The following ELAPOR1 variants were observed in gnomAD, a reference collection of about 807,000 sequenced individuals.
ELAPOR1 encodes the protein endosome/lysosome-associated apoptosis and autophagy regulator 1.
ELAPOR1 carries 77 observed loss-of-function variants against 119.7 expected under a neutral mutation model. The observed-to-expected ratio is 0.64, with a 90% CI of 0.54 to 0.78. ELAPOR1 has a LOEUF of 0.78. Among genes scored for constraint, ELAPOR1 ranks in the 30% least tolerant of loss-of-function variants. ELAPOR1 has a pLI of 0.00. For synonymous variants in ELAPOR1, 481 were observed against 487.2 expected, an observed-to-expected ratio of 0.99 and a Z score of 0.17; for missense variants, 1,115 against 1,270.4, an observed-to-expected ratio of 0.88 and a Z score of 1.86.
intron 1 of ELAPOR1, among the ~76,000 whole-genome samples, chr1:109,137,092 C>T (rs1649518627): frequency 6.6e-6 from 1 of 152,148 alleles, no homozygotes; most frequent in Non-Finnish European, 1.5e-5. Flanking sequence ...GGTAAGGGAG[C>T]AGGTATAATG....
At chr1:109,169,533 G>A (rs1570676301) in intron 3 of ELAPOR1, among the ~76,000 whole-genome samples, 1 of 152,144 alleles carries the variant, frequency 6.6e-6, no homozygotes, top group Non-Finnish European at 1.5e-5. Flanking sequence ...ACAGGCATGA[G>A]CCACCACGCC....
At chr1:109,177,341 C>A (rs537105221) in intron 7 of ELAPOR1, among the ~76,000 whole-genome samples, 6 of 86,434 alleles carry the variant, frequency 6.9e-5, no homozygotes, top group African/African-American at 1.3e-4. Context: ...CTTCTCAGAC[C>A]GGGCGGCTGC....
intron 7 of ELAPOR1, among the ~76,000 whole-genome samples, chr1:109,177,409 A>C (rs761650589): frequency 8.0e-5 from 8 of 100,080 alleles, no homozygotes; most frequent in African/African-American, 1.4e-4. Context: ...CGCTCCTCAC[A>C]TCCTGGACGG....
At chr1:109,151,447 A>T (rs1287284579) in intron 1 of ELAPOR1, among the ~76,000 whole-genome samples, 1 of 152,220 alleles carries the variant, frequency 6.6e-6, no homozygotes, top group Non-Finnish European at 1.5e-5. Flanking sequence ...GTGAGGTCGC[A>T]GTGCCCCTGA....
chr1:109,200,589 C>T (rs962157856), intron 20 of ELAPOR1, 146 bp from the exon 21 acceptor site: 6 of 728,854 alleles, frequency 8.2e-6, no homozygotes, highest in African/African-American at 3.6e-5. Flanking sequence ...CCTTCTATTA[C>T]CCCAGCCCTG....
intron 8 of ELAPOR1, among the ~76,000 whole-genome samples, chr1:109,185,593 G>A (rs555795159): frequency 6.6e-6 from 1 of 152,246 alleles, no homozygotes; most frequent in South Asian, 2.1e-4. Context: ...CTTCAGAAAA[G>A]AACTTTCCCT....
intron 14 of ELAPOR1, 123 bp from the exon 15 acceptor site, chr1:109,194,298 C>G: frequency 1.3e-6 from 1 of 774,566 alleles, no homozygotes; most frequent in Non-Finnish European, 2.1e-6. Flanking sequence ...ACTCCTAATC[C>G]TTTCTTCCTC....
rs1443748728 is a variant in ELAPOR1 at position 109,173,747 on chromosome 1, G to C, written c.862G>C (p.Gly288Arg). 6.2e-7 allele frequency: 1 copy of C among 1,614,094 alleles called. No homozygotes were observed. Among genetic ancestry groups the C allele is most frequent in the Non-Finnish European group, 8.5e-7 (1 of 1,180,020 alleles). ...ACCTGGCACGTATGCAGACAAGCAGGGCTCCTCTTTCTGCAAACTTTGCCC... is the reference window on the plus strand; with the variant it reads ...ACCTGGCACGTATGCAGACAAGCAGCGCTCCTCTTTCTGCAAACTTTGCCC... ...CKPGTYADKQ[G>R]SSFCKLCPAN... The change falls in exon 7 of 22, where the codon GGC becomes CGC. Residue 288 changes from glycine to arginine, a missense_variant. Physicochemically the swap from Gly to Arg is moderately radical, Grantham distance 125. Transcript: ENST00000369939.
At chr1:109,189,309 G>GCATT in intron 10 of ELAPOR1, 115 bp downstream of exon 10, 1 of 1,316,744 alleles carries the variant, frequency 7.6e-7, no homozygotes, top group South Asian at 1.4e-5. Context: ...ACCATGTCAT[G>GCATT]CATTCCCTTG....
At chr1:109,195,219 C>T (rs936845827) in intron 15 of ELAPOR1, among the ~76,000 whole-genome samples, 6 of 149,434 alleles carry the variant, frequency 4.0e-5, no homozygotes, top group African/African-American at 9.9e-5. Flanking sequence ...GAAGGCTAGG[C>T]GCGGTGGCTC....
chr1:109,158,136 C>T (rs1261715673), intron 1 of ELAPOR1, among the ~76,000 whole-genome samples: 6 of 152,140 alleles, frequency 3.9e-5, no homozygotes, highest in Non-Finnish European at 8.8e-5. Flanking sequence ...AATTCGCCCA[C>T]CTTGACCTCC....
At chr1:109,165,256 T>G (rs1651514708) in intron 3 of ELAPOR1, among the ~76,000 whole-genome samples, 1 of 152,024 alleles carries the variant, frequency 6.6e-6, no homozygotes, top group Non-Finnish European at 1.5e-5. Context: ...CGCACCACTG[T>G]ACCCCTGGAT....
chr1:109,168,379 C>T lies in ELAPOR1; in HGVS notation c.468-3487C>T, dbSNP rs141156242. Among the ~76,000 whole-genome samples the T allele has an allele frequency of 2.6e-5, 4 of 152,312 alleles. No individual in the cohort carries two copies. In the East Asian group the frequency reaches 7.7e-4, roughly 29 times the overall value. On this transcript the variant is annotated intron_variant, in intron 3 of 21. Transcript: ENST00000369939. ...AAGCCCCAAGAGGGAAAGGATCATA[C>T]TTGTCTTGTTCATCACTGTGTCTCC...
chr1:109,138,179 AG>A (rs1283811324), intron 1 of ELAPOR1, among the ~76,000 whole-genome samples: 1 of 20,196 alleles, frequency 5.0e-5, no homozygotes, highest in Non-Finnish European at 1.9e-4. Flanking sequence ...CCTTAAGATC[AG>A]GTTGACCAGA....
intron 17 of ELAPOR1, 80 bp from the exon 18 acceptor site, chr1:109,198,493 C>A (rs1653964558): frequency 1.6e-6 from 2 of 1,275,174 alleles, no homozygotes; most frequent in Non-Finnish European, 2.2e-6. Context: ...GGGAATTGCT[C>A]CATGCGGATT....
chr1:109,192,064 TAAGAAATAAGTTGG>T (rs1373822071), intron 13 of ELAPOR1, among the ~76,000 whole-genome samples: 2 of 152,208 alleles, frequency 1.3e-5, no homozygotes, highest in African/African-American at 4.8e-5. Context: ...GATGACACCA[TAAGAAATAAGTTGG>T]CCCTCCTTGT....
At chr1:109,121,854 A>C (rs1056233681) in intron 1 of ELAPOR1, among the ~76,000 whole-genome samples, 6 of 149,260 alleles carry the variant, frequency 4.0e-5, no homozygotes, top group Non-Finnish European at 5.9e-5. Context: ...GCTCACTGCA[A>C]CCTCTGCTTC....
chr1:109,164,787 C>G, intron 3 of ELAPOR1, 96 bp downstream of exon 3: 1 of 1,240,812 alleles, frequency 8.1e-7, no homozygotes, highest in East Asian at 2.5e-5. Context: ...TCAGGCTGGG[C>G]AGGGAGGATG....
chr1:109,168,806 T>C (rs945706772), intron 3 of ELAPOR1, among the ~76,000 whole-genome samples: 3 of 152,200 alleles, frequency 2.0e-5, no homozygotes, highest in African/African-American at 7.2e-5. Context: ...ATAAAAATAG[T>C]ACTCTTATAG....
Sources: gnomAD v4.1 joint callset for allele counts (sites outside exome capture counted in the v4.1 genomes callset) on GRCh38, gnomAD v4.1.1 for gene constraint, MANE v1.5 for transcripts, NCBI Gene and HGNC (gene_info 2026-07-23, HGNC 2026-07-21) for gene names.